Variants in MAPKAP1 observed in about 807,000 individuals in gnomAD.
MAPKAP1 encodes target of rapamycin complex 2 subunit MAPKAP1.
Under a neutral mutation model 65.7 loss-of-function variants are expected in MAPKAP1, and 20 were observed. That is an observed-to-expected ratio of 0.30 (90% CI 0.21 to 0.44). The LOEUF is 0.44. Ranked by LOEUF, MAPKAP1 falls within the 20% of genes least tolerant of loss-of-function variation. The probability of loss-of-function intolerance (pLI) is 1.00; values close to 1 mark genes in which losing one functional copy is unlikely to be tolerated. For missense variants in MAPKAP1, 423 were observed against 648.0 expected (o/e 0.65, Z 3.77); for synonymous variants, 222 against 244.3 (o/e 0.91, Z 0.85).
At chr9:125,620,478 T>TC (rs1321177573) in intron 4 of MAPKAP1, among the ~76,000 whole-genome samples, 1 of 152,186 alleles carries the variant, frequency 6.6e-6, no homozygotes, top group Non-Finnish European at 1.5e-5. Context: ...AAATGCATAT[T>TC]CCCTTTGACC....
In MAPKAP1 at chr9:125,608,276, T is replaced by C. The variant is rs993668680; in HGVS notation, c.499-22549A>G. Among the ~76,000 whole-genome samples the C allele has an allele frequency of 6.6e-5, 10 of 152,320 alleles. No homozygotes were observed. The East Asian group carries it at 1.2e-3, about 18-fold the overall frequency. ...AATGTGACAAAGGAAGCAAAGCTTT[T>C]TATTTATTTGTTAGTCTGATCATTT... On this transcript the variant is annotated intron_variant, in intron 4 of 11. Transcript: ENST00000265960.
chr9:125,643,208 T>TG (rs1833629898), intron 4 of MAPKAP1, among the ~76,000 whole-genome samples: 6 of 150,248 alleles, frequency 4.0e-5, no homozygotes, highest in Non-Finnish European at 5.9e-5. Flanking sequence ...CGTTTTTTTT[T>TG]TGGGGGGAGG....
intron 3 of MAPKAP1, among the ~76,000 whole-genome samples, chr9:125,666,980 T>C (rs547049034): frequency 4.4e-4 from 67 of 152,288 alleles, no homozygotes; most frequent in African/African-American, 1.5e-3. Context: ...AGCATGAACA[T>C]ACACATTGAA....
At chr9:125,487,626 A>AC (rs1017451167) in intron 8 of MAPKAP1, among the ~76,000 whole-genome samples, 6 of 151,790 alleles carry the variant, frequency 4.0e-5, no homozygotes, top group Non-Finnish European at 8.8e-5. Context: ...AAAAAAAAAA[A>AC]AAAAAAACCC....
chr9:125,626,583 A>C (rs1291171206), intron 4 of MAPKAP1, among the ~76,000 whole-genome samples: 2 of 152,232 alleles, frequency 1.3e-5, no homozygotes, highest in Non-Finnish European at 2.9e-5. Flanking sequence ...CAACAGCCAC[A>C]TGTGGCCAGT....
At position 125,592,176 on chromosome 9, in the gene MAPKAP1, A is replaced by G. The variant is rs75358731; in HGVS notation, c.499-6449T>C. Among the ~76,000 whole-genome samples the G allele has an allele frequency of 4.4e-3, 675 of 152,290 alleles. 6 individuals are homozygous for G. Among genetic ancestry groups the G allele is most frequent in the African/African-American group, 0.015 (633 of 41,552 alleles). ...TGTTTTGCTGAAGGTCTCACTGTAC[A>G]ATGTCACGAAAGTTTTAAGAAGGGG... On this transcript the variant is annotated intron_variant, in intron 4 of 11. Transcript: ENST00000265960.
chr9:125,630,842 C>T (rs974153160), intron 4 of MAPKAP1, among the ~76,000 whole-genome samples: 1 of 152,072 alleles, frequency 6.6e-6, no homozygotes, highest in Non-Finnish European at 1.5e-5. Context: ...GAGACAGCTG[C>T]TTATTAAAAA....
intron 7 of MAPKAP1, among the ~76,000 whole-genome samples, chr9:125,521,109 C>A (rs1829603564): frequency 6.6e-6 from 1 of 152,178 alleles, no homozygotes; most frequent in African/African-American, 2.4e-5. Flanking sequence ...TCAAAACTTG[C>A]AGAAGGTTGG....
At chr9:125,608,878 T>C (rs868650010) in intron 4 of MAPKAP1, among the ~76,000 whole-genome samples, 58 of 152,116 alleles carry the variant, frequency 3.8e-4, no homozygotes, top group African/African-American at 1.4e-3. Flanking sequence ...TATACAAAGA[T>C]GATGAATAAG....
At chr9:125,667,250 A>G (rs1200069356) in intron 3 of MAPKAP1, among the ~76,000 whole-genome samples, 2 of 152,208 alleles carry the variant, frequency 1.3e-5, no homozygotes, top group Non-Finnish European at 1.5e-5. Flanking sequence ...ATGTATCAAA[A>G]TTTAAGCTGA....
intron 9 of MAPKAP1, among the ~76,000 whole-genome samples, chr9:125,480,196 G>C (rs913959119): frequency 5.9e-5 from 9 of 152,152 alleles, no homozygotes; most frequent in Non-Finnish European, 1.2e-4. Context: ...ATCTACGTGG[G>C]ATGGGAAAAT....
At chr9:125,490,261 T>C (rs1477157566) in intron 8 of MAPKAP1, among the ~76,000 whole-genome samples, 1 of 152,190 alleles carries the variant, frequency 6.6e-6, no homozygotes, top group African/African-American at 2.4e-5. Context: ...AAAGCTTGGC[T>C]GGGCGCAGTA....
chr9:125,532,004 A>G (rs568198264), intron 7 of MAPKAP1, among the ~76,000 whole-genome samples: 9 of 152,234 alleles, frequency 5.9e-5, no homozygotes, highest in Non-Finnish European at 1.2e-4. Context: ...GCTCCCGTCA[A>G]TATATAGATT....
At chr9:125,459,804 GGAAA>G (rs1380587693) in intron 10 of MAPKAP1, among the ~76,000 whole-genome samples, 2 of 151,606 alleles carry the variant, frequency 1.3e-5, no homozygotes, top group South Asian at 2.1e-4. Context: ...GGGAGACCGT[GGAAA>G]GAGAGGGAGA....
In MAPKAP1 at chr9:125,438,739, A is replaced by C. The variant is rs1852375615; in HGVS notation, c.*148T>G. 1 of 1,095,442 alleles carries C rather than the reference A, an allele frequency of 9.1e-7. No individual in the cohort carries two copies. Among genetic ancestry groups the C allele is most frequent in the East Asian group, 2.4e-5 (1 of 41,798 alleles). 67.9% of individuals were successfully genotyped at this position (1,095,442 alleles called of 1,614,324 possible). A position where few individuals can be genotyped will look rare whatever the true frequency, so the allele number is the denominator to read the frequency against. On this transcript the variant is annotated 3_prime_UTR_variant, in exon 12 of 12. Coordinates refer to ENST00000265960, the MANE Select transcript of MAPKAP1 (RefSeq NM_001006617.3). ...CGCTCCCTCCTAGGGGGCCCCCGAC[A>C]CCTTCCCCGAGAGCCCACCTGCCCT...
At chr9:125,550,999 C>T (rs1204731294) in intron 6 of MAPKAP1, among the ~76,000 whole-genome samples, 2 of 152,182 alleles carry the variant, frequency 1.3e-5, no homozygotes, top group Non-Finnish European at 2.9e-5. Flanking sequence ...AACTAACTAC[C>T]TGTCTCTGAG....
intron 9 of MAPKAP1, among the ~76,000 whole-genome samples, chr9:125,480,825 A>T (rs909798292): frequency 1.3e-5 from 2 of 151,398 alleles, no homozygotes; most frequent in African/African-American, 4.9e-5. Flanking sequence ...ACAAAAAATT[A>T]GCCGGGCGTG....
At chr9:125,598,850 G>A (rs1832216881) in intron 4 of MAPKAP1, among the ~76,000 whole-genome samples, 1 of 151,880 alleles carries the variant, frequency 6.6e-6, no homozygotes, top group South Asian at 2.1e-4. Flanking sequence ...GACCAGCCTG[G>A]TCAACATGGC....
intron 8 of MAPKAP1, among the ~76,000 whole-genome samples, chr9:125,492,684 C>T (rs150596158): frequency 1.7e-4 from 26 of 152,314 alleles, no homozygotes; most frequent in African/African-American, 6.0e-4. Flanking sequence ...CTTTAACATT[C>T]ATTTTATGGT....
Sources: allele counts gnomAD v4.1 joint callset (sites outside exome capture counted in the v4.1 genomes callset), GRCh38; gene constraint gnomAD v4.1.1; transcripts MANE v1.5; gene names NCBI Gene and HGNC (gene_info 2026-07-23, HGNC 2026-07-21).